Variants in HNRNPUL2 observed in about 807,000 individuals in gnomAD.
The protein encoded by HNRNPUL2 is heterogeneous nuclear ribonucleoprotein U like 2, also known as heterogeneous nuclear ribonucleoprotein U-like protein 2.
A neutral mutation model predicts 102.2 loss-of-function variants in HNRNPUL2; 27 were observed. That is an observed-to-expected ratio of 0.26 (90% CI 0.19 to 0.36). The LOEUF (loss-of-function observed/expected upper bound fraction) is 0.36, where lower values mean the gene tolerates loss of function less well. Among genes scored for constraint, HNRNPUL2 ranks in the 10% least tolerant of loss-of-function variants. The pLI is 1.00. For synonymous variants in HNRNPUL2, 458 were observed against 387.2 expected (o/e 1.18, Z -2.15); for missense variants, 936 against 981.1 (o/e 0.95, Z 0.61).
rs781637001 is a variant in HNRNPUL2, at chr11:62,722,287, G to A, written c.1189C>T (p.Arg397Trp). Residue 397 changes from arginine to tryptophan, a missense_variant, in exon 7 of 14, where the codon CGG (arginine) becomes TGG (tryptophan). By Grantham distance (101) the Arg-to-Trp change is moderately radical. Coordinates refer to ENST00000301785, the MANE Select transcript of HNRNPUL2 (RefSeq NM_001079559.3). ...CAGAGGACATGGGGTAGAAGGGCCCGGTCTGCCAGGGAATCCTTGCTGATC... is the reference window on the plus strand; with the variant it reads ...CAGAGGACATGGGGTAGAAGGGCCCAGTCTGCCAGGGAATCCTTGCTGATC... The part of the protein sequence containing the change: ...FWISKDSLAD[R>W]ALLPHVLCKN... 3.7e-6 allele frequency: 6 copies of A among 1,614,088 alleles called. No individual in the cohort carries two copies. Among genetic ancestry groups the A allele is most frequent in the Non-Finnish European group, 4.2e-6 (5 of 1,179,994 alleles).
chr11:62,726,197 C>T (rs1357563788), intron 1 of HNRNPUL2, among the ~76,000 whole-genome samples: 1 of 152,168 alleles, frequency 6.6e-6, no homozygotes, highest in Non-Finnish European at 1.5e-5. Context: ...TCGATTTTTG[C>T]TTAACATTTT....
At chr11:62,724,185 C>T (rs552240421) in intron 2 of HNRNPUL2, 106 bp downstream of exon 2, 3 of 1,445,468 alleles carry the variant, frequency 2.1e-6, no homozygotes, top group African/African-American at 2.8e-5. Context: ...CCTATAAAAA[C>T]CTATTCCATT....
In HNRNPUL2 at chr11:62,715,922, C is replaced by T. The variant is rs1187078490; in HGVS notation, c.1997G>A (p.Arg666Gln). Residue 666 changes from arginine to glutamine, a missense_variant, in exon 12 of 14, where the codon CGA (arginine) becomes CAA (glutamine). Transcript: ENST00000301785. The part of the protein sequence containing the change: ...RGQGYVGGQR[R>Q]GYDNRAYGQQ... ...CCCGTAGGCCCGGTTGTCGTAGCCT[C>T]GGCGCTGCCCGCCCACTGGAAGAGA... The T allele has an allele frequency of 1.2e-6, 2 of 1,605,290 alleles. No homozygotes were observed.
Position 62,721,933 on chromosome 11 carries a change from T to C in HNRNPUL2, c.1369A>G (p.Met457Val). Residue 457 changes from methionine to valine, a missense_variant, in exon 8 of 14, where the codon ATG (methionine) becomes GTG (valine). Met to Val is a conservative substitution (Grantham distance 21). This residue lies in a region of HNRNPUL2 where 609 missense variants were observed against 713.0 expected (regional missense o/e 0.85). Coordinates refer to ENST00000301785, the MANE Select transcript of HNRNPUL2 (RefSeq NM_001079559.3). Reference protein sequence around the residue: ...KTIEECEVILMVGLPGSGKTQ... With the variant: ...KTIEECEVILVVGLPGSGKTQ... ...TTTCCAGATCCGGGTAGTCCCACCA[T>C]CAGAATCACCTGCAAAAAACAGAAC... The C allele has an allele frequency of 6.2e-7, 1 of 1,613,806 alleles. No individual in the cohort carries two copies. The highest frequency in any genetic ancestry group is 8.5e-7 in the Non-Finnish European group (1 of 1,179,946).
At chr11:62,717,851 G>C (rs927466916) in intron 10 of HNRNPUL2, among the ~76,000 whole-genome samples, 12 of 152,214 alleles carry the variant, frequency 7.9e-5, no homozygotes, top group Admixed American at 3.9e-4. Flanking sequence ...ACAAGGAGAA[G>C]AGAAGACAAG....
At chr11:62,721,446 A>G (rs77694397) in intron 8 of HNRNPUL2, 23 bp from the exon 9 acceptor site, 3,855 of 508,328 alleles carry the variant, frequency 7.6e-3, no homozygotes, top group Admixed American at 0.011. Flanking sequence ...AGAGGAAGTG[A>G]AAAAAAAAAA....
At position 62,722,189 on chromosome 11, in the gene HNRNPUL2, C is replaced by T; in HGVS notation, c.1287G>A (p.Val429=). 1 of 1,614,164 alleles carries T rather than the reference C, an allele frequency of 6.2e-7. No individual in the cohort carries two copies. ...EPFFPPPEEF[V]FIHAVPVEER... ...CCTCAACAGGCACAGCATGAATGAA[C>T]ACAAACTCTTCTGGTGGTGGGAAGA... The change falls in exon 7 of 14, where the codon GTG becomes GTA. Residue 429 remains valine (V), a synonymous_variant. Transcript: ENST00000301785.
In HNRNPUL2 at chr11:62,726,643, C is replaced by A. The variant is rs750825213; in HGVS notation, c.514G>T (p.Gly172Cys). ...GDETPGSEVPGDKAAEEQGDD... is the reference protein window; with the variant it reads ...GDETPGSEVPCDKAAEEQGDD... Reference sequence around the variant, plus strand: ...CCCTGTTCCTCGGCGGCCTTGTCACCCGGCACCTCGGATCCCGGCGTCTCG... The same window carrying A: ...CCCTGTTCCTCGGCGGCCTTGTCACACGGCACCTCGGATCCCGGCGTCTCG... Residue 172 changes from glycine to cysteine, a missense_variant, in exon 1 of 14, where the codon GGT (glycine) becomes TGT (cysteine). Coordinates refer to ENST00000301785, the MANE Select transcript of HNRNPUL2 (RefSeq NM_001079559.3). 5.0e-5 allele frequency: 80 copies of A among 1,594,970 alleles called. No individual in the cohort carries two copies. The highest frequency in any genetic ancestry group is 6.7e-5 in the Non-Finnish European group (79 of 1,177,160).
chr11:62,721,266 G>T, intron 9 of HNRNPUL2, 29 bp downstream of exon 9: 1 of 1,589,178 alleles, frequency 6.3e-7, no homozygotes, highest in South Asian at 1.2e-5. Flanking sequence ...ATCCCACCTT[G>T]ACTCTAGGCA....
intron 11 of HNRNPUL2, among the ~76,000 whole-genome samples, chr11:62,716,620 G>GATGAGA (rs1397681220): frequency 5.9e-5 from 9 of 152,148 alleles, no homozygotes; most frequent in African/African-American, 2.2e-4. Context: ...GAAAACTGAA[G>GATGAGA]ATGAGAATTT....
intron 10 of HNRNPUL2, among the ~76,000 whole-genome samples, chr11:62,719,244 G>A (rs2083682761): frequency 6.6e-6 from 1 of 152,182 alleles, no homozygotes; most frequent in Non-Finnish European, 1.5e-5. Flanking sequence ...GAAGTCAGGA[G>A]TTCCAAGACC....
rs574232176 is a variant in HNRNPUL2, at chr11:62,713,633, C to G, written c.*1666G>C. ...GGACACTAGAGGCCAGAATAAGGGT[C>G]TGTACACCTGAACAAGGGCTGCAGG... On this transcript the variant is annotated 3_prime_UTR_variant, in exon 14 of 14. Coordinates refer to ENST00000301785, the MANE Select transcript of HNRNPUL2 (RefSeq NM_001079559.3). 1.9e-4 allele frequency: 29 copies of G among 152,388 alleles called. No homozygotes were observed. The highest frequency in any genetic ancestry group is 7.0e-4 in the African/African-American group (29 of 41,572). The allele number at this position is 152,388 out of a possible 1,614,324, so 9.4% of individuals were successfully genotyped here.
intron 7 of HNRNPUL2, 54 bp downstream of exon 7, chr11:62,722,063 G>C (rs1227168675): frequency 1.2e-6 from 2 of 1,601,276 alleles, no homozygotes; most frequent in South Asian, 2.2e-5. Flanking sequence ...GAGAGCATAC[G>C]CACCCACCTC....
At position 62,715,020 on chromosome 11, in the gene HNRNPUL2, A is replaced by G. The variant is rs1030641783; in HGVS notation, c.*279T>C. 4 of 379,880 alleles carry G rather than the reference A, an allele frequency of 1.1e-5. No homozygotes were observed. The highest frequency in any genetic ancestry group is 1.9e-5 in the Non-Finnish European group (4 of 207,660). The allele number at this position is 379,880 out of a possible 1,614,324, so 23.5% of individuals were successfully genotyped here. ...AGCCCTAAGTGCTGCTTTCTGCGCAAATGTTTTTTGATTACAAATCTCTAA... is the reference window on the plus strand; with the variant it reads ...AGCCCTAAGTGCTGCTTTCTGCGCAGATGTTTTTTGATTACAAATCTCTAA... On this transcript the variant is annotated 3_prime_UTR_variant, in exon 14 of 14. Coordinates refer to ENST00000301785, the MANE Select transcript of HNRNPUL2 (RefSeq NM_001079559.3).
intron 1 of HNRNPUL2, among the ~76,000 whole-genome samples, chr11:62,725,691 CACTTTATAGTAAG>C (rs1301781432): frequency 6.6e-6 from 1 of 152,182 alleles, no homozygotes; most frequent in Non-Finnish European, 1.5e-5. Context: ...TGAGGCCACC[CACTTTATAGTAAG>C]ACTTATCCTC....
rs1022244331 is a variant in HNRNPUL2, at chr11:62,714,981, G to A, written c.*318C>T. ...CAGTTCTTTTCCTGTCTGACTGTAG[G>A]GTATAGAACAGGCAGCCCTAAGTGC... On this transcript the variant is annotated 3_prime_UTR_variant, in exon 14 of 14. Transcript: ENST00000301785. 2 of 236,102 alleles carry A rather than the reference G, an allele frequency of 8.5e-6. No individual in the cohort carries two copies. Among genetic ancestry groups the A allele is most frequent in the Non-Finnish European group, 1.7e-5 (2 of 120,100 alleles). The allele number at this position is 236,102 out of a possible 1,614,324, so 14.6% of individuals were successfully genotyped here. A position where few individuals can be genotyped will look rare whatever the true frequency, so the allele number is the denominator to read the frequency against.
chr11:62,718,713 A>AG (rs2083678551), intron 10 of HNRNPUL2, among the ~76,000 whole-genome samples: 1 of 150,170 alleles, frequency 6.7e-6, no homozygotes, highest in Non-Finnish European at 1.5e-5. Flanking sequence ...AAAAAAAAAA[A>AG]GCAGAATAAG....
intron 9 of HNRNPUL2, 127 bp from the exon 10 acceptor site, chr11:62,720,318 G>T (rs1377345643): frequency 1.0e-5 from 8 of 792,390 alleles, no homozygotes; most frequent in Non-Finnish European, 1.6e-5. Flanking sequence ...GGCCGAGGTG[G>T]GCAGATCATC....
At position 62,723,713 on chromosome 11, in the gene HNRNPUL2, C is replaced by A. The variant is rs2083721966; in HGVS notation, c.765G>T (p.Leu255=). 1 of 1,614,012 alleles carries A rather than the reference C, an allele frequency of 6.2e-7. No homozygotes were observed. The highest frequency in any genetic ancestry group is 1.3e-5 in the African/African-American group (1 of 74,920). The change falls in exon 4 of 14, where the codon CTG becomes CTT. Residue 255 remains leucine, a synonymous_variant. Coordinates refer to ENST00000301785, the MANE Select transcript of HNRNPUL2 (RefSeq NM_001079559.3). The part of the protein sequence containing the change: ...LVNLDTYTSD[L]HFQVSKDRYG... ...AGCGGTCTTTGCTCACTTGAAAATGCAGATCCGAGGTATCTGTAAAGAAAG... is the reference window on the plus strand; with the variant it reads ...AGCGGTCTTTGCTCACTTGAAAATGAAGATCCGAGGTATCTGTAAAGAAAG...
Sources: gnomAD v4.1 joint callset for allele counts (sites outside exome capture counted in the v4.1 genomes callset) on GRCh38, gnomAD v4.1.1 for gene constraint, gnomAD v4.1.1 regional missense constraint, MANE v1.5 for transcripts, NCBI Gene and HGNC (gene_info 2026-07-23, HGNC 2026-07-21) for gene names.